The following GATAD2A variants were observed in gnomAD, a reference collection of about 807,000 sequenced individuals.
GATAD2A encodes the protein transcriptional repressor p66-alpha.
In GATAD2A, 12 loss-of-function variants were observed where a neutral mutation model predicts 68.5. The ratio of observed to expected loss-of-function variants is 0.18; its 90% confidence interval spans 0.11 to 0.28. The LOEUF is 0.28. Ranked by LOEUF, GATAD2A falls within the 10% of genes least tolerant of loss-of-function variation. The pLI is 1.00. For synonymous variants in GATAD2A, 410 were observed against 375.3 expected, an observed-to-expected ratio of 1.09 and a Z score of -1.07; for missense variants, 755 against 868.5, an observed-to-expected ratio of 0.87 and a Z score of 1.64.
chr19:19,453,511 C>G (rs974247716), intron 1 of GATAD2A, among the ~76,000 whole-genome samples: 1 of 152,064 alleles, frequency 6.6e-6, no homozygotes, highest in Non-Finnish European at 1.5e-5. Context: ...GCTGTGCCCC[C>G]CACATACAAG....
Position 19,506,384 on chromosome 19 carries a change from G to C in GATAD2A, c.*910G>C, listed in dbSNP as rs2060867529. ...GGGACTGTCGCGGGGTTTTTCTGTT[G>C]TGGTTTATTTTATTAAATTTTTTCC... On this transcript the variant is annotated 3_prime_UTR_variant, in exon 12 of 12. Transcript: ENST00000683918. 2.0e-5 allele frequency: 8 copies of C among 390,612 alleles called. No individual in the cohort carries two copies. The highest frequency in any genetic ancestry group is 6.3e-4 in the Middle Eastern group (1 of 1,590). 24.2% of individuals were successfully genotyped at this position (390,612 alleles called of 1,614,324 possible).
chr19:19,473,892 G>A (rs2058491752), intron 2 of GATAD2A: 2 of 233,536 alleles, frequency 8.6e-6, no homozygotes, highest in South Asian at 1.6e-4. Flanking sequence ...CTTGCAGTGA[G>A]CCCAGATCAC....
At chr19:19,455,205 G>T (rs958665862) in intron 1 of GATAD2A, among the ~76,000 whole-genome samples, 5 of 151,910 alleles carry the variant, frequency 3.3e-5, no homozygotes, top group Middle Eastern at 3.2e-3. Flanking sequence ...AAATTTTTTT[G>T]GGGGCTGGGC....
chr19:19,495,521 C>G (rs1032082661), intron 5 of GATAD2A, among the ~76,000 whole-genome samples: 2 of 151,430 alleles, frequency 1.3e-5, no homozygotes, highest in African/African-American at 4.9e-5. Flanking sequence ...GTTGGCCAGG[C>G]TGGTCTCAAA....
chr19:19,413,018 C>T (rs746685596), intron 1 of GATAD2A, among the ~76,000 whole-genome samples: 4 of 152,242 alleles, frequency 2.6e-5, no homozygotes, highest in East Asian at 3.9e-4. Flanking sequence ...AATTTTAAGT[C>T]GAATAATTGT....
At chr19:19,410,036 G>A (rs1024435373) in intron 1 of GATAD2A, among the ~76,000 whole-genome samples, 1 of 152,182 alleles carries the variant, frequency 6.6e-6, no homozygotes, top group African/African-American at 2.4e-5. Context: ...GGCCCTCAGT[G>A]AGAATGTCAC....
intron 2 of GATAD2A, chr19:19,474,038 C>T (rs2148143700): frequency 2.0e-6 from 2 of 985,160 alleles, no homozygotes; most frequent in Non-Finnish European, 1.2e-6. Flanking sequence ...CCTAGACATC[C>T]AGCCACCCAG....
chr19:19,498,401 C>T, intron 7 of GATAD2A, 42 bp from the exon 8 acceptor site: 1 of 1,566,698 alleles, frequency 6.4e-7, no homozygotes, highest in Non-Finnish European at 8.7e-7. Flanking sequence ...TTCCTCTGGG[C>T]AGGCGCACGG....
chr19:19,495,719 G>C lies in GATAD2A; in HGVS notation c.625-35G>C, dbSNP rs1264260529. ...TTTAAAAAAAGTGTGGGGGGGTCCGGTCCATGTAAATCTGGGTCTTGGTAT... is the reference window on the plus strand; with the variant it reads ...TTTAAAAAAAGTGTGGGGGGGTCCGCTCCATGTAAATCTGGGTCTTGGTAT... On this transcript the variant is annotated intron_variant, in intron 5 of 11. Transcript: ENST00000683918. 1.9e-6 allele frequency: 3 copies of C among 1,578,902 alleles called. No homozygotes were observed. In the Admixed American group the frequency reaches 5.2e-5, roughly 27 times the overall value.
intron 1 of GATAD2A, among the ~76,000 whole-genome samples, chr19:19,417,056 C>T (rs548510519): frequency 6.6e-6 from 1 of 152,266 alleles, no homozygotes; most frequent in Admixed American, 6.5e-5. Flanking sequence ...GCCACCGTGC[C>T]CGGCCTAAAA....
At chr19:19,434,769 G>A (rs1338689345) in intron 1 of GATAD2A, among the ~76,000 whole-genome samples, 2 of 152,200 alleles carry the variant, frequency 1.3e-5, no homozygotes, top group African/African-American at 4.8e-5. Context: ...TGGAAGAGAA[G>A]TTCCTGAATA....
chr19:19,386,138 GGTGA>G lies in GATAD2A; in HGVS notation c.-7+3_-7+6del, dbSNP rs2048392412. ...GTCAGCGAGGGCGCCGAGCAACTTC[GGTGA>G]GTAAGGGGCAGGCGCCGCTGGCGGG... is the stretch of plus-strand genomic sequence containing the variant. On this transcript the variant is annotated splice_donor_variant and splice_donor_region_variant and intron_variant, in intron 1 of 11. Coordinates refer to the GATAD2A transcript ENST00000360315. LOFTEE classifies it low-confidence loss of function (5UTR_SPLICE). 1.3e-5 allele frequency: 2 copies of G among 152,460 alleles called. No homozygotes were observed. Among genetic ancestry groups the G allele is most frequent in the South Asian group, 2.1e-4 (1 of 4,836 alleles). The allele number at this position is 152,460 out of a possible 1,614,324, so 9.4% of individuals were successfully genotyped here. A position where few individuals can be genotyped will look rare whatever the true frequency, so the allele number is the denominator to read the frequency against.
intron 1 of GATAD2A, among the ~76,000 whole-genome samples, chr19:19,458,897 C>T (rs2057177064): frequency 6.6e-6 from 1 of 152,194 alleles, no homozygotes; most frequent in South Asian, 2.1e-4. Flanking sequence ...CCCCCTCTCT[C>T]CAGAGCTTCT....
upstream of GATAD2A, among the ~76,000 whole-genome samples, chr19:19,400,664 ACTTAATAATTAAT>A (rs761420058): frequency 5.3e-5 from 8 of 152,130 alleles, no homozygotes; most frequent in Non-Finnish European, 1.0e-4. Flanking sequence ...AATCAAAATC[ACTTAATAATTAAT>A]CTTTTCTTTT....
intron 1 of GATAD2A, among the ~76,000 whole-genome samples, chr19:19,388,902 G>T (rs570324956): frequency 8.9e-4 from 136 of 152,124 alleles, no homozygotes; most frequent in African/African-American, 2.8e-3. Context: ...TAGTTCGTAG[G>T]CCAGTTTGGT....
chr19:19,392,079 CT>C (rs753791949), intron 1 of GATAD2A, among the ~76,000 whole-genome samples: 2,858 of 107,098 alleles, frequency 0.027, 26 homozygotes, highest in African/African-American at 0.072. Flanking sequence ...AGAGTTTTTC[CT>C]TTTTTTTTTT....
chr19:19,493,329 A>G (rs1183509130), intron 4 of GATAD2A, among the ~76,000 whole-genome samples: 1 of 152,230 alleles, frequency 6.6e-6, no homozygotes, highest in African/African-American at 2.4e-5. Flanking sequence ...CACTCTGTGC[A>G]GAAAGGCCGC....
At chr19:19,406,275 G>T (rs1172840295) in intron 1 of GATAD2A, among the ~76,000 whole-genome samples, 1 of 151,888 alleles carries the variant, frequency 6.6e-6, no homozygotes, top group African/African-American at 2.4e-5. Flanking sequence ...TCGCGGCGTC[G>T]CCCCGCTTCC....
At chr19:19,481,741 A>G (rs575486341) in intron 2 of GATAD2A, among the ~76,000 whole-genome samples, 1 of 152,318 alleles carries the variant, frequency 6.6e-6, no homozygotes, top group South Asian at 2.1e-4. Flanking sequence ...TTCACACCTC[A>G]GGGACTTAGC....
Sources: gnomAD v4.1 joint callset for allele counts (sites outside exome capture counted in the v4.1 genomes callset) on GRCh38, gnomAD v4.1.1 for gene constraint, MANE v1.5 for transcripts, NCBI Gene and HGNC (gene_info 2026-07-23, HGNC 2026-07-21) for gene names.